RTEL1: variants seen among roughly 807,000 people sequenced by gnomAD.
RTEL1 encodes the protein regulator of telomere length.
Under a neutral mutation model 162.2 loss-of-function variants are expected in RTEL1, and 86 were observed. The observed-to-expected ratio is 0.53, with a 90% CI of 0.45 to 0.63. The LOEUF (loss-of-function observed/expected upper bound fraction) is 0.63. Ranked by LOEUF, RTEL1 falls within the 30% of genes least tolerant of loss-of-function variation. RTEL1 has a pLI of 0.00. For missense variants in RTEL1, 1,941 were observed against 1,750.2 expected, an observed-to-expected ratio of 1.11 and a Z score of -1.95; for synonymous variants, 958 against 717.9, an observed-to-expected ratio of 1.33 and a Z score of -5.35.
intron 26 of RTEL1, 110 bp from the exon 27 acceptor site, chr20:63,690,695 A>C (rs1310443286): frequency 7.8e-7 from 1 of 1,282,514 alleles, no homozygotes; most frequent in African/African-American, 1.5e-5. Context: ...GGACACCCAC[A>C]GGCAGGACCC....
chr20:63,668,067 C>T lies in RTEL1; in HGVS notation c.699+514C>T, dbSNP rs962644290. 1.3e-5 allele frequency among the ~76,000 whole-genome samples: 2 copies of T among 150,652 alleles called. No individual in the cohort carries two copies. Among genetic ancestry groups the T allele is most frequent in the Non-Finnish European group, 3.0e-5 (2 of 67,638 alleles). ...CTCACTCCCCTCCTCCCAGTGTGTGCCCAGCCCCACTCCCTTCCGCCCCGT... is the reference window on the plus strand; with the variant it reads ...CTCACTCCCCTCCTCCCAGTGTGTGTCCAGCCCCACTCCCTTCCGCCCCGT... On this transcript the variant is annotated intron_variant, in intron 8 of 34. Transcript: ENST00000360203. The surrounding 1 kb of genome is among the most constrained non-coding windows in gnomAD (Gnocchi z 4.3).
intron 14 of RTEL1, chr20:63,682,748 C>T (rs1274958612): frequency 8.4e-6 from 8 of 947,006 alleles, no homozygotes; most frequent in African/African-American, 3.5e-5. Flanking sequence ...GCCAGTGGCC[C>T]CAGGAAGAGG....
chr20:63,659,806 C>T (rs879901219), intron 2 of RTEL1, among the ~76,000 whole-genome samples: 65 of 140,612 alleles, frequency 4.6e-4, no homozygotes, highest in Non-Finnish European at 6.0e-4. Context: ...CCCAGGGGAC[C>T]GGCGCTCAGC....
rs377176432 is a variant in RTEL1 at position 63,662,842 on chromosome 20, G to T, written c.491G>T (p.Arg164Leu). The part of the protein sequence containing the change: ...ESNHLQIHLC[R>L]KKVASRSCHF... Reference sequence around the variant, plus strand: ...TTCCTCCCACAGATCCACTTGTGCCGTAAGAAGGTGGCAAGTCGCTCCTGT... The same window carrying T: ...TTCCTCCCACAGATCCACTTGTGCCTTAAGAAGGTGGCAAGTCGCTCCTGT... The change falls in exon 6 of 35, where the codon CGT (arginine) becomes CTT (leucine). Residue 164 changes from arginine (R) to leucine (L), a missense_variant. Coordinates refer to ENST00000360203, the MANE Select transcript of RTEL1 (RefSeq NM_001283009.2). 1.6e-5 allele frequency: 26 copies of T among 1,613,844 alleles called. No homozygotes were observed. Among genetic ancestry groups the T allele is most frequent in the Non-Finnish European group, 2.0e-5 (24 of 1,180,044 alleles).
Position 63,687,706 on chromosome 20 carries a change from C to T in RTEL1, c.1417C>T (p.Arg473Cys), listed in dbSNP as rs1409999749. The T allele has an allele frequency of 4.4e-6, 7 of 1,604,880 alleles. No homozygotes were observed. The highest frequency in any genetic ancestry group is 2.7e-5 in the African/African-American group (2 of 74,798). The change falls in exon 17 of 35, where the codon CGC becomes TGC. Residue 473 changes from arginine to cysteine, a missense_variant. Transcript: ENST00000360203. ...GCACGAGCTGGTCCGCCAGGGCGTCCGCTCCCTCATCCTTACCAGCGGCAC... is the reference window on the plus strand; with the variant it reads ...GCACGAGCTGGTCCGCCAGGGCGTCTGCTCCCTCATCCTTACCAGCGGCAC... ...SMHELVRQGV[R>C]SLILTSGTLA...
At chr20:63,666,104 A>T in intron 7 of RTEL1, 25 bp downstream of exon 7, 1 of 1,592,942 alleles carries the variant, frequency 6.3e-7, no homozygotes, top group Middle Eastern at 1.7e-4. Context: ...TGAGGCCACG[A>T]CCACTGTCCT....
rs192465430 is a variant in RTEL1, at chr20:63,661,693, G to A, written c.302-157G>A. On this transcript the variant is annotated intron_variant, in intron 3 of 34. Transcript: ENST00000360203. This position sits in a 1 kb window ranked among gnomAD's most constrained non-coding sequence, Gnocchi z 5.1. ...GGGCTTTTTTGCTGAATTAGGGCACGGCAGATGCCCACTTCACCCATTTTT... is the reference window on the plus strand; with the variant it reads ...GGGCTTTTTTGCTGAATTAGGGCACAGCAGATGCCCACTTCACCCATTTTT... The A allele has an allele frequency of 3.2e-4, 277 of 856,884 alleles. No individual in the cohort carries two copies. In the East Asian group the frequency reaches 6.4e-3, roughly 20 times the overall value. 53.1% of individuals were successfully genotyped at this position (856,884 alleles called of 1,614,324 possible).
chr20:63,693,438 A>T (rs1365622012), intron 30 of RTEL1, among the ~76,000 whole-genome samples, 155 bp downstream of exon 30: 2 of 131,592 alleles, frequency 1.5e-5, no homozygotes, highest in Admixed American at 7.7e-5. Context: ...CTCCACCACC[A>T]GCACCAGCAG....
intron 9 of RTEL1, among the ~76,000 whole-genome samples, chr20:63,672,983 A>G (rs970876132): frequency 3.9e-5 from 6 of 152,252 alleles, no homozygotes; most frequent in Admixed American, 3.3e-4. Context: ...CCTTCCGGCC[A>G]CATGGCTTGA....
chr20:63,660,010 G>A (rs1485277563), intron 2 of RTEL1, among the ~76,000 whole-genome samples: 1 of 152,194 alleles, frequency 6.6e-6, no homozygotes, highest in Non-Finnish European at 1.5e-5. Context: ...GGATGTGCAC[G>A]TAGGCTAGTT....
chr20:63,681,813 G>A (rs576028338), intron 14 of RTEL1: 28 of 985,352 alleles, frequency 2.8e-5, no homozygotes, highest in Admixed American at 1.8e-4. Flanking sequence ...CGGTAGCTGG[G>A]GCTGGAAGGA....
At chr20:63,689,959 C>A (rs2090690314) in intron 24 of RTEL1, 94 bp downstream of exon 24, 7 of 1,548,770 alleles carry the variant, frequency 4.5e-6, no homozygotes, top group South Asian at 1.1e-5. Context: ...GGCCCCGTCT[C>A]CTCCAGAGCC....
Position 63,660,110 on chromosome 20 carries a change from G to A in RTEL1, c.102+606G>A, listed in dbSNP as rs180854618. Among the ~76,000 whole-genome samples, 9 of 152,306 alleles carry A rather than the reference G, an allele frequency of 5.9e-5. No individual in the cohort carries two copies. In the East Asian group the frequency reaches 7.7e-4, roughly 13 times the overall value. Reference sequence around the variant, plus strand: ...TATGTCTCGCCTCCTGCCACAGGGCGGCTTTTCTCCTATCTCAGAATTGAA... The same window carrying A: ...TATGTCTCGCCTCCTGCCACAGGGCAGCTTTTCTCCTATCTCAGAATTGAA... On this transcript the variant is annotated intron_variant, in intron 2 of 34. Coordinates refer to ENST00000360203, the MANE Select transcript of RTEL1 (RefSeq NM_001283009.2).
intron 14 of RTEL1, chr20:63,681,353 G>A (rs1211658292): frequency 4.1e-6 from 4 of 985,300 alleles, no homozygotes; most frequent in Middle Eastern, 1.0e-3. Context: ...CCTCTCCGGG[G>A]CCTCGGTGGC....
chr20:63,695,292 C>T, intron 33 of RTEL1, 36 bp from the exon 34 acceptor site: 2 of 1,587,636 alleles, frequency 1.3e-6, no homozygotes, highest in Non-Finnish European at 1.7e-6. Context: ...GCAGCAAAGC[C>T]CCAGGCCCCC....
chr20:63,690,623 A>G (rs758018945), intron 26 of RTEL1, among the ~76,000 whole-genome samples, 182 bp downstream of exon 26: 6 of 152,012 alleles, frequency 3.9e-5, no homozygotes, highest in Non-Finnish European at 5.9e-5. Flanking sequence ...CCTCCCCTAC[A>G]GGCAGAGAAC....
chr20:63,689,397 A>G, intron 22 of RTEL1, 105 bp from the exon 23 acceptor site: 1 of 1,327,510 alleles, frequency 7.5e-7, no homozygotes, highest in Non-Finnish European at 1.0e-6. Flanking sequence ...GCTTCCTCCC[A>G]CCCCTGGTTG....
chr20:63,678,444 T>C, intron 12 of RTEL1, 98 bp downstream of exon 12: 4 of 1,131,716 alleles, frequency 3.5e-6, no homozygotes, highest in African/African-American at 1.6e-5. Context: ...GAGTGAGGCC[T>C]GTTTTCAGGC....
chr20:63,690,367 C>T lies in RTEL1; in HGVS notation c.2339C>T (p.Pro780Leu), dbSNP rs994457956. ...GATGCTGTCAGCGAGGCCAAGTCGC[C>T]TGGCCCCTTCTTCTCCACCAGGAAA... is the stretch of plus-strand genomic sequence containing the variant. ...GEDAVSEAKS[P>L]GPFFSTRKAK... Residue 780 changes from proline (P) to leucine (L), a missense_variant, in exon 26 of 35, where the codon CCT becomes CTT. By Grantham distance (98) the Pro-to-Leu change is moderately conservative. Transcript: ENST00000360203. The T allele has an allele frequency of 1.2e-6, 2 of 1,611,822 alleles. No homozygotes were observed. Among genetic ancestry groups the T allele is most frequent in the East Asian group, 2.2e-5 (1 of 44,864 alleles).
Sources: allele counts gnomAD v4.1 joint callset (sites outside exome capture counted in the v4.1 genomes callset), GRCh38; gene constraint gnomAD v4.1.1; non-coding constraint Gnocchi (gnomAD v3.1); transcripts MANE v1.5; gene names NCBI Gene and HGNC (gene_info 2026-07-23, HGNC 2026-07-21).